Variants in SPTBN4 observed in about 807,000 individuals in gnomAD.
The protein encoded by SPTBN4 is spectrin beta, non-erythrocytic 4, also known as spectrin beta chain, non-erythrocytic 4.
Under a neutral mutation model 277.8 loss-of-function variants are expected in SPTBN4, and 96 were observed. That is an observed-to-expected ratio of 0.35 (90% CI 0.29 to 0.41). The LOEUF is 0.41. Ranked by LOEUF, SPTBN4 falls within the 10% of genes least tolerant of loss-of-function variation. The pLI is 1.00. For missense variants in SPTBN4, 3,006 were observed against 3,595.7 expected, an observed-to-expected ratio of 0.84 and a Z score of 4.19; for synonymous variants, 1,481 against 1,580.3, an observed-to-expected ratio of 0.94 and a Z score of 1.49.
chr19:40,495,759 C>A (rs1158810762), intron 6 of SPTBN4, among the ~76,000 whole-genome samples: 1 of 152,104 alleles, frequency 6.6e-6, no homozygotes, highest in Non-Finnish European at 1.5e-5. Context: ...TGGGGCCTGA[C>A]ATTGAAATAG....
rs1555808910 is a variant in SPTBN4, at chr19:40,476,362, A to AG, written c.169+3572_169+3573insG. 3.6e-4 allele frequency among the ~76,000 whole-genome samples: 52 copies of AG among 144,976 alleles called. 1 individual carries two copies. Among genetic ancestry groups the AG allele is most frequent in the Admixed American group, 4.1e-4 (6 of 14,472 alleles). On this transcript the variant is annotated intron_variant, in intron 2 of 35. Coordinates refer to ENST00000598249, the MANE Select transcript of SPTBN4 (RefSeq NM_020971.3). ...CTCTGTCTCAAAAAAAAAAAAAAAA[A>AG]AGAGAGAGAGAGAGAAATCTGTATA... is the stretch of plus-strand genomic sequence containing the variant.
chr19:40,504,152 G>T lies in SPTBN4; in HGVS notation c.1665+20G>T. ...ATGCAGGTGCCGGCGGGGGGGCGGG[G>T]ATGCGGGTGGAGTGCCAGGAGGGAG... is the stretch of plus-strand genomic sequence containing the variant. On this transcript the variant is annotated intron_variant, in intron 12 of 35. Coordinates refer to ENST00000598249, the MANE Select transcript of SPTBN4 (RefSeq NM_020971.3). The T allele has an allele frequency of 2.9e-5, 25 of 877,106 alleles. No homozygotes were observed. Among genetic ancestry groups the T allele is most frequent in the African/African-American group, 4.3e-5 (2 of 46,066 alleles). 54.3% of individuals were successfully genotyped at this position (877,106 alleles called of 1,614,324 possible). A position where few individuals can be genotyped will look rare whatever the true frequency, so the allele number is the denominator to read the frequency against.
chr19:40,516,604 A>G (rs544730167), intron 15 of SPTBN4, among the ~76,000 whole-genome samples: 12 of 152,242 alleles, frequency 7.9e-5, no homozygotes, highest in African/African-American at 2.9e-4. Context: ...CAGGTGGATC[A>G]CCTGAGGTCA....
rs1264363072 is a variant in SPTBN4, at chr19:40,566,345, C to T, written c.6322C>T (p.Arg2108Trp). 2.6e-6 allele frequency: 4 copies of T among 1,564,112 alleles called. No homozygotes were observed. The highest frequency in any genetic ancestry group is 2.3e-5 in the East Asian group (1 of 42,852). The change falls in exon 30 of 36, where the codon CGG (arginine) becomes TGG (tryptophan). Residue 2108 changes from arginine to tryptophan, a missense_variant. Arg to Trp is a moderately radical substitution (Grantham distance 101). Coordinates refer to ENST00000598249, the MANE Select transcript of SPTBN4 (RefSeq NM_020971.3). ...CTGGGAAGAGAGGTTCAGCTCTCTG[C>T]GGCGCCTGACCACGGTCAGCTCCCC... is the stretch of plus-strand genomic sequence containing the variant. ...AAWEERFSSL[R>W]RLTTIEKIKA... is the part of the protein sequence containing the mutation.
At chr19:40,478,671 G>A (rs909419099) in intron 2 of SPTBN4, among the ~76,000 whole-genome samples, 7 of 152,074 alleles carry the variant, frequency 4.6e-5, no homozygotes, top group East Asian at 1.9e-4. Flanking sequence ...TCTGCCTCCC[G>A]AGTAGTTGGT....
intron 20 of SPTBN4, among the ~76,000 whole-genome samples, chr19:40,546,077 TAACCGGGCG>T (rs1368466257): frequency 1.0e-4 from 13 of 126,206 alleles, no homozygotes; most frequent in Non-Finnish European, 2.0e-4. Context: ...AAATCAAAAT[TAACCGGGCG>T]TGGTGATGTG....
chr19:40,497,717 T>G, intron 7 of SPTBN4, 113 bp downstream of exon 7: 1 of 813,604 alleles, frequency 1.2e-6, no homozygotes, highest in Non-Finnish European at 2.0e-6. Flanking sequence ...CTGAGGCCTC[T>G]CCAAATCCCA....
chr19:40,508,973 G>A (rs2145858594), intron 13 of SPTBN4, among the ~76,000 whole-genome samples: 1 of 152,186 alleles, frequency 6.6e-6, no homozygotes, highest in East Asian at 1.9e-4. Flanking sequence ...TCTGTGCTCA[G>A]GCAAGATTAT....
At position 40,540,814 on chromosome 19, in the gene SPTBN4, C is replaced by CAA. The variant is rs58695945; in HGVS notation, c.4359+6496_4359+6497dup. 9.1e-4 allele frequency among the ~76,000 whole-genome samples: 72 copies of CAA among 79,328 alleles called. 3 individuals are homozygous for CAA. Among genetic ancestry groups the CAA allele is most frequent in the African/African-American group, 2.9e-3 (62 of 21,262 alleles). The allele number at this position is 79,328 out of a possible 152,430, so 52.0% of individuals were successfully genotyped here. On this transcript the variant is annotated intron_variant, in intron 20 of 35. Transcript: ENST00000598249. ...GGTCGACAGAGTGAGACCCCCATCT[C>CAA]AAAAAAAAAAAAAAAAAAAAAAAAA...
rs1380856516 is a variant in SPTBN4 at position 40,549,374 on chromosome 19, G to A, written c.4545G>A (p.Lys1515=). ...GCCGCCGCTTGCTGCTGGCTTCCAAGGAGTTGCACCAGGTGGCGCACGACC... is the reference window on the plus strand; with the variant it reads ...GCCGCCGCTTGCTGCTGGCTTCCAAAGAGTTGCACCAGGTGGCGCACGACC... The part of the protein sequence containing the change: ...QERRRLLLAS[K]ELHQVAHDLD... The change falls in exon 21 of 36, where the codon AAG becomes AAA. Residue 1515 remains lysine (K), a synonymous_variant. Coordinates refer to ENST00000598249, the MANE Select transcript of SPTBN4 (RefSeq NM_020971.3). 3.3e-6 allele frequency: 5 copies of A among 1,528,092 alleles called. No individual in the cohort carries two copies. The Admixed American group carries it at 9.9e-5, about 30-fold the overall frequency. 94.7% of individuals were successfully genotyped at this position (1,528,092 alleles called of 1,614,324 possible).
intron 30 of SPTBN4, chr19:40,566,933 G>A (rs559901616): frequency 2.4e-5 from 6 of 252,792 alleles, no homozygotes; most frequent in Admixed American, 4.7e-5. Context: ...CCACTGCCTG[G>A]GTAACAGAAC....
At chr19:40,569,977 C>CACACACACAG (rs2081136797) in intron 32 of SPTBN4, among the ~76,000 whole-genome samples, 1 of 146,472 alleles carries the variant, frequency 6.8e-6, no homozygotes, top group African/African-American at 2.6e-5. Context: ...CACACACAGA[C>CACACACACAG]ACACACACAC....
intron 13 of SPTBN4, among the ~76,000 whole-genome samples, chr19:40,508,540 T>G (rs769671821): frequency 2.7e-4 from 41 of 152,014 alleles, no homozygotes; most frequent in Middle Eastern, 3.4e-3. Flanking sequence ...TACAAAAAAT[T>G]AATTTGGTGT....
Position 40,519,890 on chromosome 19 carries a change from C to T in SPTBN4, c.3393C>T (p.Arg1131=). 1 of 1,518,606 alleles carries T rather than the reference C, an allele frequency of 6.6e-7. No homozygotes were observed. Among genetic ancestry groups the T allele is most frequent in the Non-Finnish European group, 8.7e-7 (1 of 1,143,210 alleles). 94.1% of individuals were successfully genotyped at this position (1,518,606 alleles called of 1,614,324 possible). ...AAGAGGCGGACGCGCTGCTGGCGCG[C>T]CACGCTGCGCTCAAGGAGGAGGTGG... ...SLEEADALLA[R]HAALKEEVDQ... Residue 1131 remains arginine (R), a synonymous_variant, in exon 16 of 36, where the codon CGC becomes CGT. Coordinates refer to ENST00000598249, the MANE Select transcript of SPTBN4 (RefSeq NM_020971.3). This position sits in a 1 kb window ranked among gnomAD's most constrained non-coding sequence, Gnocchi z 5.7.
intron 2 of SPTBN4, among the ~76,000 whole-genome samples, chr19:40,481,561 C>A (rs1467372078): frequency 6.6e-6 from 1 of 152,110 alleles, no homozygotes; most frequent in South Asian, 2.1e-4. Context: ...CTGCAACCCC[C>A]GCCTCCTGAG....
At position 40,567,680 on chromosome 19, in the gene SPTBN4, G is replaced by A. The variant is rs373547386; in HGVS notation, c.6354G>A (p.Ala2118=). 1.1e-5 allele frequency: 16 copies of A among 1,523,036 alleles called. No individual in the cohort carries two copies. The African/African-American group carries it at 1.6e-4, about 15-fold the overall frequency. The allele number at this position is 1,523,036 out of a possible 1,614,324, so 94.3% of individuals were successfully genotyped here. Residue 2118 remains alanine, a synonymous_variant, in exon 31 of 36, where the codon GCG becomes GCA. Transcript: ENST00000598249. ...RRLTTIEKIK[A]EQSKQPPTPL... is the part of the protein sequence containing the mutation. ...ATCCTCAGATCGAGAAAATCAAAGC[G>A]GAACAGAGCAAGCAGCCGCCTACCC...
At chr19:40,530,467 G>C in intron 18 of SPTBN4, 1 of 978,298 alleles carries the variant, frequency 1.0e-6, no homozygotes, top group Non-Finnish European at 1.2e-6. Context: ...GCGGGGGCGA[G>C]GGAGGGGGCG....
Position 40,560,452 on chromosome 19 carries a change from C to G in SPTBN4, c.5915+49C>G, listed in dbSNP as rs760809802. The G allele has an allele frequency of 5.0e-6, 8 of 1,611,096 alleles. No individual in the cohort carries two copies. The highest frequency in any genetic ancestry group is 1.1e-5 in the South Asian group (1 of 90,940). On this transcript the variant is annotated intron_variant, in intron 27 of 35. Coordinates refer to ENST00000598249, the MANE Select transcript of SPTBN4 (RefSeq NM_020971.3). The surrounding 1 kb of genome is among the most constrained non-coding windows in gnomAD (Gnocchi z 5.2). ...TTCCTGCCTCCCCCTGGTGGCCTACCCCAGCCACCCCCAGCCCATTGACAG... is the reference window on the plus strand; with the variant it reads ...TTCCTGCCTCCCCCTGGTGGCCTACGCCAGCCACCCCCAGCCCATTGACAG...
At chr19:40,487,487 G>T (rs1285663031) in intron 2 of SPTBN4, among the ~76,000 whole-genome samples, 1 of 151,426 alleles carries the variant, frequency 6.6e-6, no homozygotes, top group African/African-American at 2.4e-5. Context: ...CTGGGATTAT[G>T]GGCGCCCGCC....
Sources: gnomAD v4.1 joint callset for allele counts (sites outside exome capture counted in the v4.1 genomes callset) on GRCh38, gnomAD v4.1.1 for gene constraint, Gnocchi (gnomAD v3.1) non-coding constraint, MANE v1.5 for transcripts, NCBI Gene and HGNC (gene_info 2026-07-23, HGNC 2026-07-21) for gene names.